TSPAN9: variants seen among roughly 807,000 people sequenced by gnomAD.
TSPAN9 encodes the protein tetraspanin 9.
A neutral mutation model predicts 31.0 loss-of-function variants in TSPAN9; 16 were observed. The observed-to-expected ratio is 0.52, with a 90% confidence interval of 0.35 to 0.78. TSPAN9 has a LOEUF of 0.78. TSPAN9 is among the 30% of genes least tolerant of loss of function. The pLI, the probability that TSPAN9 is intolerant of heterozygous loss-of-function variation, is 0.01. For missense variants in TSPAN9, 272 were observed against 312.5 expected (o/e 0.87, Z 0.98); for synonymous variants, 145 against 121.6 (o/e 1.19, Z -1.27).
intron 1 of TSPAN9, among the ~76,000 whole-genome samples, chr12:3,083,190 G>C (rs2098298746): frequency 6.6e-6 from 1 of 152,168 alleles, no homozygotes. Context: ...AAACAACAAG[G>C]TGGCCCTTTC....
chr12:3,182,131 A>C (rs192617723), intron 2 of TSPAN9, among the ~76,000 whole-genome samples: 2 of 151,512 alleles, frequency 1.3e-5, no homozygotes, highest in South Asian at 2.1e-4. Flanking sequence ...CCCCCAGTCA[A>C]CCCTCCTGTG....
rs377506777 is a variant in TSPAN9 at position 3,250,794 on chromosome 12, G to A, written c.64-27627G>A. Among the ~76,000 whole-genome samples, 4 of 152,184 alleles carry A rather than the reference G, an allele frequency of 2.6e-5. No homozygotes were observed. In the South Asian group the frequency reaches 6.2e-4, roughly 24 times the overall value. On this transcript the variant is annotated intron_variant, in intron 3 of 8. Coordinates refer to ENST00000011898, the MANE Select transcript of TSPAN9 (RefSeq NM_006675.5). ...CAGAGGTATGCAGAGCTTGGCTTTC[G>A]GGTGACTGTTGGCTGCCAGGCCCGG... is the stretch of plus-strand genomic sequence containing the variant.
intron 2 of TSPAN9, among the ~76,000 whole-genome samples, chr12:3,174,776 G>A (rs1426458152): frequency 3.5e-5 from 5 of 142,550 alleles, no homozygotes; most frequent in Admixed American, 1.4e-4. Flanking sequence ...TAGAGACGGG[G>A]TTTCACCGTG....
At chr12:3,133,233 A>G (rs1363804512) in intron 2 of TSPAN9, among the ~76,000 whole-genome samples, 1 of 152,062 alleles carries the variant, frequency 6.6e-6, no homozygotes, top group Non-Finnish European at 1.5e-5. Flanking sequence ...ATCCCGGAAA[A>G]AGAGGGGTCC....
chr12:3,086,606 GA>G (rs1404786488), intron 2 of TSPAN9, among the ~76,000 whole-genome samples: 2 of 152,038 alleles, frequency 1.3e-5, no homozygotes, highest in African/African-American at 4.8e-5. Context: ...AGTGCCCCCT[GA>G]AATCCTCCCA....
chr12:3,238,796 G>A (rs1386208417), intron 3 of TSPAN9, among the ~76,000 whole-genome samples: 1 of 152,228 alleles, frequency 6.6e-6, no homozygotes, highest in African/African-American at 2.4e-5. Context: ...ACCGTTTAGT[G>A]CTTGGCGTCT....
At chr12:3,221,648 C>T (rs1204757545) in intron 3 of TSPAN9, among the ~76,000 whole-genome samples, 1 of 152,082 alleles carries the variant, frequency 6.6e-6, no homozygotes, top group Admixed American at 6.5e-5. Context: ...CGTGAGCCAC[C>T]GTGCTCAGCC....
intron 3 of TSPAN9, among the ~76,000 whole-genome samples, chr12:3,237,285 G>T (rs1024555642): frequency 6.6e-6 from 1 of 152,130 alleles, no homozygotes; most frequent in Non-Finnish European, 1.5e-5. Flanking sequence ...ATATTCCTGG[G>T]CTTGCCTCCT....
chr12:3,158,183 C>T (rs989845317), intron 2 of TSPAN9, among the ~76,000 whole-genome samples: 3 of 152,132 alleles, frequency 2.0e-5, no homozygotes, highest in Non-Finnish European at 2.9e-5. Flanking sequence ...CCCTGTGTCC[C>T]GGAGGAGCAT....
intron 2 of TSPAN9, among the ~76,000 whole-genome samples, chr12:3,124,338 A>G (rs2153966471): frequency 6.6e-6 from 1 of 152,296 alleles, no homozygotes; most frequent in South Asian, 2.1e-4. Context: ...CAAAGTAGTT[A>G]TATTTTTTCA....
rs3782825 is a variant in TSPAN9, at chr12:3,205,729, C to G, written c.63+4473C>G. Reference sequence around the variant, plus strand: ...CAAGAGGCACTTAGGCCCCCCCCCCCCAGAGTGCTCAGGTGTGAGGGGTTC... The same window carrying G: ...CAAGAGGCACTTAGGCCCCCCCCCCGCAGAGTGCTCAGGTGTGAGGGGTTC... On this transcript the variant is annotated intron_variant, in intron 3 of 8. Coordinates refer to ENST00000011898, the MANE Select transcript of TSPAN9 (RefSeq NM_006675.5). Among the ~76,000 whole-genome samples the G allele has an allele frequency of 9.2e-3, 1,402 of 151,824 alleles. 14 individuals are homozygous for G. Among genetic ancestry groups the G allele is most frequent in the Middle Eastern group, 0.034 (10 of 294 alleles).
At chr12:3,238,675 C>T (rs954182412) in intron 3 of TSPAN9, among the ~76,000 whole-genome samples, 4 of 152,172 alleles carry the variant, frequency 2.6e-5, no homozygotes, top group Non-Finnish European at 5.9e-5. Flanking sequence ...TTCATTTCTC[C>T]ACTCAAAAAA....
At chr12:3,196,804 C>G (rs540120070) in intron 2 of TSPAN9, among the ~76,000 whole-genome samples, 51 of 152,286 alleles carry the variant, frequency 3.3e-4, no homozygotes, top group African/African-American at 1.2e-3. Context: ...CCATCCCAAC[C>G]CCAAGGCCCT....
chr12:3,232,968 A>G (rs2098391570), intron 3 of TSPAN9, among the ~76,000 whole-genome samples: 1 of 152,236 alleles, frequency 6.6e-6, no homozygotes, highest in Non-Finnish European at 1.5e-5. Flanking sequence ...ACAGGAGGAC[A>G]GCTGTCCCAC....
At chr12:3,109,810 A>T (rs2098317431) in intron 2 of TSPAN9, among the ~76,000 whole-genome samples, 1 of 140,702 alleles carries the variant, frequency 7.1e-6, no homozygotes. Context: ...AAAAAAAAAA[A>T]AAAAAGACTT....
chr12:3,161,903 A>G (rs540249087), intron 2 of TSPAN9, among the ~76,000 whole-genome samples: 1 of 151,988 alleles, frequency 6.6e-6, no homozygotes, highest in Non-Finnish European at 1.5e-5. Flanking sequence ...GCAGCCTTGA[A>G]TGCTGGGGCT....
intron 3 of TSPAN9, among the ~76,000 whole-genome samples, chr12:3,236,315 C>A (rs568164199): frequency 1.3e-5 from 2 of 152,286 alleles, no homozygotes; most frequent in African/African-American, 4.8e-5. Flanking sequence ...TTATCTAGTA[C>A]TTTCTGGGAG....
intron 2 of TSPAN9, among the ~76,000 whole-genome samples, chr12:3,154,710 A>T (rs929908286): frequency 1.3e-5 from 2 of 152,194 alleles, no homozygotes; most frequent in Non-Finnish European, 1.5e-5. Context: ...TTAAGTACAA[A>T]TGGGAGACAT....
intron 3 of TSPAN9, among the ~76,000 whole-genome samples, chr12:3,260,014 C>T (rs1862418339): frequency 6.6e-6 from 1 of 152,214 alleles, no homozygotes; most frequent in African/African-American, 2.4e-5. Flanking sequence ...TCACTTGGTT[C>T]TCTGTAGCTT....
Sources: allele counts gnomAD v4.1 joint callset (sites outside exome capture counted in the v4.1 genomes callset), GRCh38; gene constraint gnomAD v4.1.1; transcripts MANE v1.5; gene names NCBI Gene and HGNC (gene_info 2026-07-23, HGNC 2026-07-21).